EDA: variants seen among roughly 807,000 people sequenced by gnomAD.
EDA encodes the protein ectodysplasin-A.
EDA carries 2 observed loss-of-function variants against 23.6 expected under a neutral mutation model. The observed-to-expected ratio is 0.08, with a 90% CI of 0.03 to 0.27. EDA has a LOEUF of 0.27. Among genes scored for constraint, EDA ranks in the 10% least tolerant of loss-of-function variants. EDA has a pLI of 1.00. For synonymous variants in EDA, 131 were observed against 132.0 expected (o/e 0.99, Z 0.05); for missense variants, 229 against 324.2 (o/e 0.71, Z 2.26).
In EDA at chrX:69,645,584, T is replaced by A. The variant is rs1486240005; in HGVS notation, c.396+28880T>A. Among the ~76,000 whole-genome samples, 4 of 54,368 alleles carry A rather than the reference T, an allele frequency of 7.4e-5. No homozygotes were observed. The East Asian group carries it at 6.9e-3, about 94-fold the overall frequency. The allele number at this position is 54,368 out of a possible 115,157, so 47.2% of individuals were successfully genotyped here. The stretch of plus-strand genomic sequence containing the variant: ...GGTTGCTCTTAGTTCTCTAGTTCTT[T>A]TATATATATGTGTGTGTGTATATAT... On this transcript the variant is annotated intron_variant, in intron 1 of 7. Coordinates refer to ENST00000374552, the MANE Select transcript of EDA (RefSeq NM_001399.5).
intron 1 of EDA, among the ~76,000 whole-genome samples, chrX:69,744,189 A>G (rs903292359): frequency 8.9e-6 from 1 of 112,002 alleles, no homozygotes; most frequent in Non-Finnish European, 1.9e-5. Flanking sequence ...GTTTCTGAAT[A>G]TCTGTGTGCC....
intron 1 of EDA, among the ~76,000 whole-genome samples, chrX:69,677,912 A>G (rs1401446653): frequency 1.8e-5 from 2 of 111,797 alleles, no homozygotes; most frequent in Non-Finnish European, 3.8e-5. Flanking sequence ...TATGTCCTGA[A>G]TGGTAAAGCC....
intron 1 of EDA, among the ~76,000 whole-genome samples, chrX:69,748,785 C>A (rs1012280986): frequency 9.0e-6 from 1 of 111,065 alleles, no homozygotes; most frequent in African/African-American, 3.3e-5. Context: ...TGTAGAGCCT[C>A]CCTCATAAGG....
rs201108404 is a variant in EDA, at chrX:69,903,737, A to AT, written c.397-53282dup. On this transcript the variant is annotated intron_variant, in intron 1 of 7. Coordinates refer to ENST00000374552, the MANE Select transcript of EDA (RefSeq NM_001399.5). ...TTTAAAAATTATTAAATTTTTAAAA[A>AT]TTTTTTTTGAAAATTTAAATTAAAA... Among the ~76,000 whole-genome samples, 3 of 110,630 alleles carry AT rather than the reference A, an allele frequency of 2.7e-5. No individual in the cohort carries two copies. In the East Asian group the frequency reaches 8.4e-4, roughly 31 times the overall value.
rs775098720 is a variant in EDA, at chrX:69,749,970, C to T, written c.396+133266C>T. On this transcript the variant is annotated intron_variant, in intron 1 of 7. Transcript: ENST00000374552. ...TTTTTGGTTGGGGAGAGGGGGCCAT[C>T]GCTTCTGTCAGAAGAATAGACAAAA... Among the ~76,000 whole-genome samples the T allele has an allele frequency of 1.2e-4, 10 of 84,982 alleles. No individual in the cohort carries two copies. In the South Asian group the frequency reaches 5.2e-3, roughly 44 times the overall value. 73.8% of individuals were successfully genotyped at this position (84,982 alleles called of 115,157 possible). A position where few individuals can be genotyped will look rare whatever the true frequency, so the allele number is the denominator to read the frequency against.
intron 2 of EDA, among the ~76,000 whole-genome samples, chrX:69,978,587 C>G (rs181576293): frequency 9.1e-6 from 1 of 109,444 alleles, no homozygotes; most frequent in East Asian, 2.9e-4. Context: ...CCCATTTATA[C>G]AATTCAGTGG....
At chrX:69,895,285 A>G (rs1386252154) in intron 1 of EDA, among the ~76,000 whole-genome samples, 4 of 109,757 alleles carry the variant, frequency 3.6e-5, no homozygotes, top group African/African-American at 1.3e-4. Flanking sequence ...CTCTATTACG[A>G]TGAGGGGATG....
At chrX:69,905,544 G>C (rs780465869) in intron 1 of EDA, among the ~76,000 whole-genome samples, 33 of 110,877 alleles carry the variant, frequency 3.0e-4, no homozygotes, top group African/African-American at 1.1e-3. Context: ...CTCTTCATTG[G>C]GCCATGATGT....
chrX:69,997,646 C>G (rs2019678347), intron 2 of EDA, among the ~76,000 whole-genome samples: 1 of 112,693 alleles, frequency 8.9e-6, no homozygotes, highest in Non-Finnish European at 1.9e-5. Flanking sequence ...CAGAGGTCTT[C>G]ACTGCAGCCC....
chrX:69,688,157 C>T (rs182151514), intron 1 of EDA, among the ~76,000 whole-genome samples: 1 of 111,844 alleles, frequency 8.9e-6, no homozygotes, highest in African/African-American at 3.2e-5. Flanking sequence ...CTCAGCACCT[C>T]ATTCCTGAAG....
rs2020255486 is a variant in EDA at position 70,035,549 on chromosome X, C to T, written c.1116C>T (p.Asn372=). 8.3e-7 allele frequency: 1 copy of T among 1,205,423 alleles called. No individual in the cohort carries two copies. The highest frequency in any genetic ancestry group is 1.1e-6 in the Non-Finnish European group (1 of 894,197). Residue 372 remains asparagine, a synonymous_variant, in exon 8 of 8, where the codon AAC becomes AAT. Coordinates refer to ENST00000374552, the MANE Select transcript of EDA (RefSeq NM_001399.5). ...TGGTGCACGCTGACATCTCCATCAA[C>T]ATGAGCAAGCACACCACGTTCTTTG... ...VKMVHADISI[N]MSKHTTFFGA...
At chrX:69,755,448 G>T (rs1286035422) in intron 1 of EDA, among the ~76,000 whole-genome samples, 1 of 111,673 alleles carries the variant, frequency 9.0e-6, no homozygotes, top group African/African-American at 3.3e-5. Context: ...GGGGCACCTG[G>T]CTGTATGAGG....
At chrX:69,684,119 C>T (rs376673725) in intron 1 of EDA, among the ~76,000 whole-genome samples, 1 of 112,127 alleles carries the variant, frequency 8.9e-6, no homozygotes, top group African/African-American at 3.2e-5. Context: ...ATGCATGTTA[C>T]ATAGTGTAAG....
At chrX:69,928,216 T>C (rs2018549870) in intron 1 of EDA, among the ~76,000 whole-genome samples, 1 of 111,254 alleles carries the variant, frequency 9.0e-6, no homozygotes, top group Non-Finnish European at 1.9e-5. Context: ...AGATGTCATC[T>C]CCCTAGCTGG....
intron 1 of EDA, among the ~76,000 whole-genome samples, chrX:69,735,615 A>G (rs1317963216): frequency 1.8e-5 from 2 of 111,486 alleles, no homozygotes; most frequent in Non-Finnish European, 3.8e-5. Flanking sequence ...GCTGAGCACA[A>G]GACTTATGTG....
intron 1 of EDA, among the ~76,000 whole-genome samples, chrX:69,861,782 A>G (rs922027751): frequency 7.1e-5 from 8 of 112,062 alleles, no homozygotes; most frequent in African/African-American, 2.6e-4. Context: ...CTACTTAAAC[A>G]TGGTAAATTA....
At chrX:69,698,664 T>C (rs1325738245) in intron 1 of EDA, among the ~76,000 whole-genome samples, 1 of 111,282 alleles carries the variant, frequency 9.0e-6, no homozygotes, top group Non-Finnish European at 1.9e-5. Flanking sequence ...AAGAGAGATT[T>C]TTTTTGTCCA....
At chrX:69,822,407 A>C (rs1008415970) in intron 1 of EDA, among the ~76,000 whole-genome samples, 5 of 111,550 alleles carry the variant, frequency 4.5e-5, no homozygotes, top group African/African-American at 1.6e-4. Context: ...TGTCTGGAGG[A>C]AGCATAACTT....
At chrX:69,657,808 G>A (rs1239866773) in intron 1 of EDA, among the ~76,000 whole-genome samples, 1 of 111,227 alleles carries the variant, frequency 9.0e-6, no homozygotes, top group Non-Finnish European at 1.9e-5. Context: ...CATTTCAGGG[G>A]TCTCTATTCT....
Sources: gnomAD v4.1 joint callset for allele counts (sites outside exome capture counted in the v4.1 genomes callset) on GRCh38, gnomAD v4.1.1 for gene constraint, MANE v1.5 for transcripts, NCBI Gene and HGNC (gene_info 2026-07-23, HGNC 2026-07-21) for gene names.